Variants in ATP6V1H observed in about 807,000 individuals in gnomAD.
ATP6V1H encodes ATPase H+ transporting V1 subunit H.
A neutral mutation model predicts 71.7 loss-of-function variants in ATP6V1H; 39 were observed. That is an observed-to-expected ratio of 0.54 (90% CI 0.42 to 0.71). The LOEUF is 0.71. ATP6V1H is among the 30% of genes least tolerant of loss of function. ATP6V1H has a pLI of 0.00. For missense variants in ATP6V1H, 509 were observed against 594.9 expected (o/e 0.86, Z 1.50); for synonymous variants, 192 against 199.3 (o/e 0.96, Z 0.31).
At chr8:53,807,791 T>C (rs557445920) in intron 7 of ATP6V1H, among the ~76,000 whole-genome samples, 1 of 152,358 alleles carries the variant, frequency 6.6e-6, no homozygotes, top group Non-Finnish European at 1.5e-5. Context: ...AAATGATGCA[T>C]TTTATAGCAT....
At chr8:53,758,853 A>T (rs1440612235) in intron 11 of ATP6V1H, among the ~76,000 whole-genome samples, 2 of 152,248 alleles carry the variant, frequency 1.3e-5, no homozygotes, top group Non-Finnish European at 2.9e-5. Context: ...CTGGCACTGC[A>T]ATGGCAGAGT....
intron 3 of ATP6V1H, among the ~76,000 whole-genome samples, chr8:53,831,479 C>T (rs545722833): frequency 6.6e-6 from 1 of 152,334 alleles, no homozygotes; most frequent in African/African-American, 2.4e-5. Context: ...GTAGTCAGTG[C>T]ATGACAGTAT....
intron 10 of ATP6V1H, among the ~76,000 whole-genome samples, chr8:53,770,308 C>A (rs1808609608): frequency 1.3e-5 from 2 of 152,120 alleles, no homozygotes; most frequent in Admixed American, 1.3e-4. Context: ...AGCCTCTGTA[C>A]ATATAACAAA....
At chr8:53,800,468 C>A (rs1809873948) in intron 8 of ATP6V1H, among the ~76,000 whole-genome samples, 1 of 152,148 alleles carries the variant, frequency 6.6e-6, no homozygotes, top group African/African-American at 2.4e-5. Flanking sequence ...GCACTCTATT[C>A]TCTAACAATA....
At chr8:53,736,327 G>T (rs140259409) in intron 13 of ATP6V1H, among the ~76,000 whole-genome samples, 1 of 152,066 alleles carries the variant, frequency 6.6e-6, no homozygotes, top group Non-Finnish European at 1.5e-5. Flanking sequence ...AAACATTGCC[G>T]GCAGCCTAGG....
intron 12 of ATP6V1H, among the ~76,000 whole-genome samples, chr8:53,752,048 T>A (rs1395142362): frequency 6.6e-6 from 1 of 152,226 alleles, no homozygotes; most frequent in Non-Finnish European, 1.5e-5. Context: ...AGGTTAAACC[T>A]ATCATTTAAG....
chr8:53,834,148 G>A (rs759427056), intron 2 of ATP6V1H, among the ~76,000 whole-genome samples: 4 of 152,246 alleles, frequency 2.6e-5, no homozygotes, highest in Middle Eastern at 3.4e-3. Flanking sequence ...CACCAGTATG[G>A]TAGGAAAAGC....
At position 53,765,457 on chromosome 8, in the gene ATP6V1H, ACACACACACACACACACAC is replaced by A. The variant is rs1341166732; in HGVS notation, c.1175+4142_1175+4160del. On this transcript the variant is annotated intron_variant, in intron 11 of 13. Transcript: ENST00000359530. ...GGTGGTGGACAACAACAACAACAAC[ACACACACACACACACACAC>A]ACACACACACACACACACACACACA... is the stretch of plus-strand genomic sequence containing the variant. Among the ~76,000 whole-genome samples, 2 of 11,202 alleles carry A rather than the reference ACACACACACACACACACAC, an allele frequency of 1.8e-4. 1 individual carries two copies. The highest frequency in any genetic ancestry group is 2.0e-4 in the African/African-American group (2 of 10,022). 7.3% of individuals were successfully genotyped at this position (11,202 alleles called of 152,430 possible).
chr8:53,820,751 G>A (rs1810623807), intron 4 of ATP6V1H, among the ~76,000 whole-genome samples: 2 of 151,530 alleles, frequency 1.3e-5, no homozygotes, highest in South Asian at 2.1e-4. Context: ...GGAGGCCAAG[G>A]CTGGCAGATC....
chr8:53,735,142 G>GA (rs1275327201), intron 13 of ATP6V1H, among the ~76,000 whole-genome samples: 1 of 152,184 alleles, frequency 6.6e-6, no homozygotes, highest in Non-Finnish European at 1.5e-5. Flanking sequence ...AGCCCCCTTT[G>GA]AAGATCTCCA....
At chr8:53,822,226 A>T (rs1810686280) in intron 4 of ATP6V1H, among the ~76,000 whole-genome samples, 1 of 152,156 alleles carries the variant, frequency 6.6e-6, no homozygotes, top group South Asian at 2.1e-4. Context: ...TTCCTGAGGA[A>T]CCTACTAGCA....
intron 2 of ATP6V1H, among the ~76,000 whole-genome samples, chr8:53,837,885 C>T (rs572900795): frequency 6.4e-4 from 98 of 152,130 alleles, no homozygotes; most frequent in South Asian, 1.9e-3. Context: ...ATCTTTTGGA[C>T]GTAGAGCTGG....
chr8:53,729,992 T>C (rs1287322290), intron 13 of ATP6V1H, among the ~76,000 whole-genome samples: 1 of 152,214 alleles, frequency 6.6e-6, no homozygotes, highest in East Asian at 1.9e-4. Context: ...TGCGGAAAGC[T>C]GAGCTAGAAC....
At chr8:53,808,016 G>GCAA (rs1430953947) in intron 7 of ATP6V1H, among the ~76,000 whole-genome samples, 9 of 152,162 alleles carry the variant, frequency 5.9e-5, no homozygotes, top group African/African-American at 2.2e-4. Flanking sequence ...GATGAAACAA[G>GCAA]CAAGAAGGAC....
intron 13 of ATP6V1H, among the ~76,000 whole-genome samples, chr8:53,733,947 C>T (rs1807112781): frequency 6.6e-6 from 1 of 152,172 alleles, no homozygotes; most frequent in Admixed American, 6.5e-5. Context: ...CTGGCCGAGG[C>T]TGGTGGCCTA....
intron 12 of ATP6V1H, among the ~76,000 whole-genome samples, chr8:53,750,507 C>T (rs1049361467): frequency 6.6e-6 from 1 of 152,198 alleles, no homozygotes; most frequent in Non-Finnish European, 1.5e-5. Flanking sequence ...GACCTGCTGT[C>T]ACTTAAAGTC....
chr8:53,768,660 C>CA (rs1160523215), intron 11 of ATP6V1H, among the ~76,000 whole-genome samples: 1 of 152,010 alleles, frequency 6.6e-6, no homozygotes, highest in Non-Finnish European at 1.5e-5. Context: ...GAACACATTA[C>CA]AGTACATGAA....
chr8:53,787,131 C>T lies in ATP6V1H; in HGVS notation c.870+8516G>A, dbSNP rs758225010. ...CAGGTTACTAACAAACAGTTCACTG[C>T]ACTGCACTGATAATGTGGACCACAC... is the stretch of plus-strand genomic sequence containing the variant. On this transcript the variant is annotated intron_variant, in intron 9 of 13. Transcript: ENST00000359530. 3.3e-5 allele frequency among the ~76,000 whole-genome samples: 5 copies of T among 152,166 alleles called. No individual in the cohort carries two copies. The South Asian group carries it at 6.2e-4, about 19-fold the overall frequency.
rs571262341 is a variant in ATP6V1H at position 53,769,508 on chromosome 8, A to G, written c.1175+110T>C. On this transcript the variant is annotated intron_variant, in intron 11 of 13. Transcript: ENST00000359530. ...ATTCAACCACATTAGTCAGCAAGAA[A>G]ATACAAATTAAAACCATAGAATATC... The G allele has an allele frequency of 4.1e-5, 47 of 1,136,444 alleles. 1 individual carries two copies. In the South Asian group the frequency reaches 6.9e-4, roughly 17 times the overall value. 70.4% of individuals were successfully genotyped at this position (1,136,444 alleles called of 1,614,324 possible).
Sources: allele counts gnomAD v4.1 joint callset (sites outside exome capture counted in the v4.1 genomes callset), GRCh38; gene constraint gnomAD v4.1.1; transcripts MANE v1.5; gene names NCBI Gene and HGNC (gene_info 2026-07-23, HGNC 2026-07-21).